The following IGHMBP2 variants were observed in gnomAD, a reference collection of about 807,000 sequenced individuals.
IGHMBP2 encodes the protein immunoglobulin mu DNA binding protein 2, also known as DNA-binding protein SMUBP-2.
A neutral mutation model predicts 96.0 loss-of-function variants in IGHMBP2; 81 were observed. The observed-to-expected ratio is 0.84, with a 90% confidence interval of 0.71 to 1.01. The LOEUF (loss-of-function observed/expected upper bound fraction) is 1.01, where lower values mean the gene tolerates loss of function less well. IGHMBP2 is among the 50% of genes least tolerant of loss of function. The pLI, the probability that IGHMBP2 is intolerant of heterozygous loss-of-function variation, is 0.00. For missense variants in IGHMBP2, 1,227 were observed against 1,306.3 expected, an observed-to-expected ratio of 0.94 and a Z score of 0.94; for synonymous variants, 557 against 548.9, an observed-to-expected ratio of 1.01 and a Z score of -0.21.
chr11:68,921,522 C>T (rs535885064), intron 7 of IGHMBP2, among the ~76,000 whole-genome samples: 76 of 152,302 alleles, frequency 5.0e-4, no homozygotes, highest in African/African-American at 1.7e-3. Context: ...TCACATATAG[C>T]ATAAGGGCTT....
At chr11:68,938,395 G>T in intron 14 of IGHMBP2, 41 bp downstream of exon 14, 2 of 1,556,106 alleles carry the variant, frequency 1.3e-6, no homozygotes, top group Non-Finnish European at 8.7e-7. Flanking sequence ...AGTGGGGAGG[G>T]GTGGTGGGTT....
At position 68,939,684 on chromosome 11, in the gene IGHMBP2, G is replaced by A. The variant is rs774375391; in HGVS notation, c.2935G>A (p.Glu979Lys). The change falls in exon 15 of 15, where the codon GAG becomes AAG. Residue 979 changes from glutamate to lysine, a missense_variant. Physicochemically the swap from Glu to Lys is moderately conservative, Grantham distance 56 (BLOSUM62 1). Around this residue, in one of 3 missense-constraint regions of IGHMBP2, gnomAD observed 703 missense variants for 770.3 expected, o/e 0.91. Coordinates refer to ENST00000255078, the MANE Select transcript of IGHMBP2 (RefSeq NM_002180.3). Reference sequence around the variant, plus strand: ...GAGGAGGCTGGATAAGAAGCTGAGTGAGCTCAGCAACCAGAGGACCAGCCG... The same window carrying A: ...GAGGAGGCTGGATAAGAAGCTGAGTAAGCTCAGCAACCAGAGGACCAGCCG... ...LQRRLDKKLS[E>K]LSNQRTSRRK... 2.5e-6 allele frequency: 4 copies of A among 1,612,592 alleles called. No homozygotes were observed. The Admixed American group carries it at 6.7e-5, about 27-fold the overall frequency.
At position 68,939,778 on chromosome 11, in the gene IGHMBP2, C is replaced by G. The variant is rs1279164979; in HGVS notation, c.*47C>G. ...CCGCGGAGCTCTCTCCATGGTAGCC[C>G]AGGGCGCTGGCAGACCATGCTCCGC... On this transcript the variant is annotated 3_prime_UTR_variant, in exon 15 of 15. Coordinates refer to ENST00000255078, the MANE Select transcript of IGHMBP2 (RefSeq NM_002180.3). 2 of 1,550,958 alleles carry G rather than the reference C, an allele frequency of 1.3e-6. No homozygotes were observed. Among genetic ancestry groups the G allele is most frequent in the African/African-American group, 1.4e-5 (1 of 74,018 alleles).
intron 7 of IGHMBP2, among the ~76,000 whole-genome samples, chr11:68,925,241 G>T (rs1421681930): frequency 6.6e-6 from 1 of 151,594 alleles, no homozygotes; most frequent in Non-Finnish European, 1.5e-5. Context: ...CTCCTCCCGG[G>T]TTCAAGTGAT....
At chr11:68,931,135 G>A (rs1859281013) in intron 8 of IGHMBP2, among the ~76,000 whole-genome samples, 1 of 152,188 alleles carries the variant, frequency 6.6e-6, no homozygotes, top group South Asian at 2.1e-4. Flanking sequence ...GCCTCCCGCT[G>A]CCATTCATGG....
chr11:68,933,287 T>A lies in IGHMBP2; in HGVS notation c.1236-12T>A. The A allele has an allele frequency of 2.5e-6, 4 of 1,609,842 alleles. No individual in the cohort carries two copies. Among genetic ancestry groups the A allele is most frequent in the Non-Finnish European group, 3.4e-6 (4 of 1,178,858 alleles). On this transcript the variant is annotated splice_polypyrimidine_tract_variant and intron_variant, in intron 8 of 14. Transcript: ENST00000255078. ...CAGGCCTGCCTTCCCCCTTTCTCCC[T>A]CCTGGGCGCAGGGCTGCGCTGGCAG...
intron 8 of IGHMBP2, among the ~76,000 whole-genome samples, chr11:68,931,238 G>C (rs1859285172): frequency 6.6e-6 from 1 of 152,216 alleles, no homozygotes; most frequent in East Asian, 1.9e-4. Flanking sequence ...CCATGACCCT[G>C]CAGGGATGGT....
In IGHMBP2 at chr11:68,936,420, T is replaced by A; in HGVS notation, c.1940T>A (p.Val647Asp). Reference protein sequence around the residue: ...RTAFEYLDDIVPENYSHENSQ... With the variant: ...RTAFEYLDDIDPENYSHENSQ... ...GCCTTTGAGTATCTTGACGATATTG[T>A]CCCAGAAAACTATTCCCATGAGAAC... is the stretch of plus-strand genomic sequence containing the variant. The change falls in exon 13 of 15, where the codon GTC becomes GAC. Residue 647 changes from valine (V) to aspartate (D), a missense_variant. Transcript: ENST00000255078. The A allele has an allele frequency of 1.2e-6, 2 of 1,614,108 alleles. No homozygotes were observed. Among genetic ancestry groups the A allele is most frequent in the Non-Finnish European group, 1.7e-6 (2 of 1,180,022 alleles).
At chr11:68,908,412 C>A in intron 3 of IGHMBP2, 75 bp downstream of exon 3, 1 of 1,507,118 alleles carries the variant, frequency 6.6e-7, no homozygotes, top group Non-Finnish European at 9.2e-7. Context: ...ATGCCTGTCG[C>A]ACAAAAGAGA....
rs1267983821 is a variant in IGHMBP2, at chr11:68,936,939, G to GGGAGCAGCGTGGCCC, written c.2460_2474dup (p.Glu821_Pro825dup). 5 of 1,603,882 alleles carry GGGAGCAGCGTGGCCC rather than the reference G, an allele frequency of 3.1e-6. No homozygotes were observed. The highest frequency in any genetic ancestry group is 4.3e-6 in the Non-Finnish European group (5 of 1,175,800). ...CCTGCGCAGACAGAGCAGCCTCCCA[G>GGGAGCAGCGTGGCCC]GGAGCAGCGTGGCCCAGACCAGCCT... On this transcript the variant is annotated inframe_insertion, in exon 13 of 15. Transcript: ENST00000255078.
chr11:68,932,518 G>A (rs1204224072), intron 8 of IGHMBP2: 4 of 152,202 alleles, frequency 2.6e-5, no homozygotes, highest in Admixed American at 6.5e-5. Context: ...CATGTAATAT[G>A]GGAGTCATAA....
intron 6 of IGHMBP2, among the ~76,000 whole-genome samples, chr11:68,916,552 G>A (rs1858678155): frequency 6.6e-6 from 1 of 151,870 alleles, no homozygotes; most frequent in Non-Finnish European, 1.5e-5. Context: ...GGAGGGTGCT[G>A]GAGCCAGTCT....
Position 68,903,924 on chromosome 11 carries a change from G to T in IGHMBP2, c.-29G>T. On this transcript the variant is annotated 5_prime_UTR_variant, in exon 1 of 15. Coordinates refer to ENST00000255078, the MANE Select transcript of IGHMBP2 (RefSeq NM_002180.3). The stretch of plus-strand genomic sequence containing the variant: ...GGCCCGGCGCAGAAGCGGGACGTCG[G>T]CTTCTAGGGGCCCAGGCCGGCGGCG... The T allele has an allele frequency of 6.3e-7, 1 of 1,596,460 alleles. No individual in the cohort carries two copies. Among genetic ancestry groups the T allele is most frequent in the Admixed American group, 1.8e-5 (1 of 57,104 alleles).
At chr11:68,908,488 G>A (rs1390297298) in intron 3 of IGHMBP2, 46 bp from the exon 4 acceptor site, 1 of 1,518,456 alleles carries the variant, frequency 6.6e-7, no homozygotes, top group African/African-American at 1.4e-5. Context: ...CAGAGGCTCG[G>A]GCACTGAATT....
intron 7 of IGHMBP2, among the ~76,000 whole-genome samples, chr11:68,920,649 A>AT (rs1279163594): frequency 2.0e-5 from 3 of 151,956 alleles, no homozygotes; most frequent in Admixed American, 6.6e-5. Flanking sequence ...CACCCTGCTC[A>AT]TTTTTTTGAT....
rs1331900392 is a variant in IGHMBP2, at chr11:68,938,429, G to A, written c.2784+75G>A. On this transcript the variant is annotated intron_variant, in intron 14 of 14. Transcript: ENST00000255078. The stretch of plus-strand genomic sequence containing the variant: ...TTCCGTCTCCAGGAAGCAGACCCTG[G>A]GCAGACTTGTTCCAGTCGGAACAGT... 8.7e-6 allele frequency: 12 copies of A among 1,382,394 alleles called. No homozygotes were observed. The Admixed American group carries it at 2.2e-4, about 25-fold the overall frequency. The allele number at this position is 1,382,394 out of a possible 1,614,324, so 85.6% of individuals were successfully genotyped here. A position where few individuals can be genotyped will look rare whatever the true frequency, so the allele number is the denominator to read the frequency against.
chr11:68,912,214 C>T (rs959678413), intron 5 of IGHMBP2, among the ~76,000 whole-genome samples: 1 of 152,164 alleles, frequency 6.6e-6, no homozygotes, highest in South Asian at 2.1e-4. Context: ...TCCCTGCAAC[C>T]TCCGCCTCCC....
At chr11:68,922,627 C>T (rs1228314577) in intron 7 of IGHMBP2, among the ~76,000 whole-genome samples, 2 of 152,208 alleles carry the variant, frequency 1.3e-5, no homozygotes, top group Admixed American at 6.5e-5. Context: ...AACTCCTGAC[C>T]TCGTGATCCG....
chr11:68,930,605 G>T (rs1859254983), intron 8 of IGHMBP2: 2 of 829,830 alleles, frequency 2.4e-6, no homozygotes, highest in East Asian at 1.2e-4. Flanking sequence ...GATCTCTGGG[G>T]TGTTGATTTT....
Sources: gnomAD v4.1 joint callset for allele counts (sites outside exome capture counted in the v4.1 genomes callset) on GRCh38, gnomAD v4.1.1 for gene constraint, gnomAD v4.1.1 regional missense constraint, MANE v1.5 for transcripts, NCBI Gene and HGNC (gene_info 2026-07-23, HGNC 2026-07-21) for gene names.